MED13L: variants seen among roughly 807,000 people sequenced by gnomAD.
MED13L encodes the protein mediator complex subunit 13L, also known as mediator of RNA polymerase II transcription subunit 13-like.
Under a neutral mutation model 220.9 loss-of-function variants are expected in MED13L, and 7 were observed. That is an observed-to-expected ratio of 0.03 (90% confidence interval 0.02 to 0.06). The LOEUF is 0.06. MED13L is among the 10% of genes least tolerant of loss of function. The pLI is 1.00. For missense variants in MED13L, 1,965 were observed against 2,760.5 expected (o/e 0.71, Z 6.46); for synonymous variants, 1,011 against 1,015.2 (o/e 1.00, Z 0.08).
chr12:116,030,260 A>T (rs1039551652), intron 4 of MED13L, among the ~76,000 whole-genome samples: 2 of 152,162 alleles, frequency 1.3e-5, no homozygotes, highest in Non-Finnish European at 2.9e-5. Context: ...ACAACAGTGC[A>T]ATTTAGTTAG....
At position 116,138,604 on chromosome 12, in the gene MED13L, G is replaced by T. The variant is rs192986216; in HGVS notation, c.311-27092C>A. Among the ~76,000 whole-genome samples the T allele has an allele frequency of 1.6e-3, 248 of 152,324 alleles. 5 individuals are homozygous for T. The highest frequency in any genetic ancestry group is 2.1e-3 in the Non-Finnish European group (145 of 68,034). ...GCTGCTGCTGTCTTCCCACAGACTT[G>T]TTTGTGGCCATCAGGACAAATCTGG... On this transcript the variant is annotated intron_variant, in intron 2 of 30. Coordinates refer to ENST00000281928, the MANE Select transcript of MED13L (RefSeq NM_015335.5).
At chr12:116,011,428 T>C (rs867506803) in intron 9 of MED13L, among the ~76,000 whole-genome samples, 1 of 152,218 alleles carries the variant, frequency 6.6e-6, no homozygotes, top group South Asian at 2.1e-4. Flanking sequence ...AATAAAAATG[T>C]GTAAAAGTCA....
At chr12:115,973,303 C>T (rs1398472022) in intron 25 of MED13L, among the ~76,000 whole-genome samples, 2 of 152,194 alleles carry the variant, frequency 1.3e-5, no homozygotes, top group Non-Finnish European at 2.9e-5. Context: ...ACCTAAGGCT[C>T]CTGTCATACA....
At chr12:116,040,241 T>C (rs1881445670) in intron 4 of MED13L, among the ~76,000 whole-genome samples, 1 of 152,218 alleles carries the variant, frequency 6.6e-6, no homozygotes, top group South Asian at 2.1e-4. Context: ...ATTTATTAGC[T>C]GAATCAAACT....
intron 9 of MED13L, among the ~76,000 whole-genome samples, chr12:116,011,825 C>CTT (rs1879425971): frequency 6.6e-6 from 1 of 152,178 alleles, no homozygotes; most frequent in East Asian, 1.9e-4. Flanking sequence ...GATAAAGAAT[C>CTT]AATTCAAGGG....
chr12:115,997,750 G>T (rs1165402447), intron 14 of MED13L, among the ~76,000 whole-genome samples: 2 of 152,138 alleles, frequency 1.3e-5, no homozygotes, highest in Non-Finnish European at 2.9e-5. Context: ...CTAACTTCTT[G>T]ATGCTTTATG....
chr12:116,096,829 G>T lies in MED13L; in HGVS notation c.396-77C>A, dbSNP rs1403712363. On this transcript the variant is annotated intron_variant, in intron 3 of 30. Transcript: ENST00000281928. The stretch of plus-strand genomic sequence containing the variant: ...AAGTCGCTGAAGCAATACACCAGAT[G>T]AGATATATCACCAAAAATAAAAACA... 5 of 993,194 alleles carry T rather than the reference G, an allele frequency of 5.0e-6. No individual in the cohort carries two copies. The African/African-American group carries it at 6.4e-5, about 13-fold the overall frequency. 61.5% of individuals were successfully genotyped at this position (993,194 alleles called of 1,614,324 possible).
chr12:116,240,045 G>A (rs1360660100), intron 1 of MED13L, among the ~76,000 whole-genome samples: 1 of 152,054 alleles, frequency 6.6e-6, no homozygotes, highest in African/African-American at 2.4e-5. Context: ...TATACCACTA[G>A]TAGTAGTACT....
chr12:115,995,620 C>T (rs137888406), intron 16 of MED13L, among the ~76,000 whole-genome samples: 55 of 152,226 alleles, frequency 3.6e-4, no homozygotes, highest in African/African-American at 1.2e-3. Flanking sequence ...GACAGGGTTT[C>T]GCCATTTGCC....
chr12:116,143,500 AGTT>A (rs974370179), intron 2 of MED13L, among the ~76,000 whole-genome samples: 18 of 152,212 alleles, frequency 1.2e-4, no homozygotes, highest in African/African-American at 3.6e-4. Flanking sequence ...GAATCCAGAA[AGTT>A]GTTGTGCTAC....
rs1870186376 is a variant in MED13L at position 116,237,383 on chromosome 12, C to A, written c.310+85G>T. 3 of 1,091,160 alleles carry A rather than the reference C, an allele frequency of 2.7e-6. No individual in the cohort carries two copies. In the East Asian group the frequency reaches 7.3e-5, roughly 27 times the overall value. The allele number at this position is 1,091,160 out of a possible 1,614,324, so 67.6% of individuals were successfully genotyped here. A position where few individuals can be genotyped will look rare whatever the true frequency, so the allele number is the denominator to read the frequency against. On this transcript the variant is annotated intron_variant, in intron 2 of 30. Coordinates refer to ENST00000281928, the MANE Select transcript of MED13L (RefSeq NM_015335.5). ...AAACACTTAAGATCGTTCTTTTAGA[C>A]AAGTCTTAATAATCTGTTTGAAATT...
chr12:116,240,491 TA>T (rs1202857484), intron 1 of MED13L, among the ~76,000 whole-genome samples: 2 of 151,590 alleles, frequency 1.3e-5, no homozygotes, highest in African/African-American at 4.8e-5. Flanking sequence ...GAAACAAAAA[TA>T]AAAAGAAGTT....
At chr12:116,265,499 C>T (rs1008594368) in intron 1 of MED13L, among the ~76,000 whole-genome samples, 3 of 152,166 alleles carry the variant, frequency 2.0e-5, no homozygotes, top group South Asian at 2.1e-4. Flanking sequence ...GTTTCTATAT[C>T]GTCTTGGATT....
chr12:116,186,660 C>T (rs954202102), intron 2 of MED13L, among the ~76,000 whole-genome samples: 1 of 152,160 alleles, frequency 6.6e-6, no homozygotes, highest in African/African-American at 2.4e-5. Context: ...AAAGCTGGTA[C>T]TAAAGTCCAA....
chr12:116,075,931 T>TTTA (rs1565864687), intron 4 of MED13L, among the ~76,000 whole-genome samples: 1 of 144,360 alleles, frequency 6.9e-6, no homozygotes, highest in Non-Finnish European at 1.5e-5. Context: ...TTTTTTTTTT[T>TTTA]GAGACGGAGT....
chr12:116,225,288 GA>G (rs1868864282), intron 2 of MED13L, among the ~76,000 whole-genome samples: 2 of 152,244 alleles, frequency 1.3e-5, no homozygotes, highest in African/African-American at 4.8e-5. Context: ...TACTGGGGAT[GA>G]GGGGGTACTT....
intron 4 of MED13L, among the ~76,000 whole-genome samples, chr12:116,048,517 A>G (rs775299820): frequency 7.2e-5 from 11 of 152,218 alleles, no homozygotes; most frequent in Non-Finnish European, 1.5e-4. Flanking sequence ...TGTGACAGTA[A>G]AAGTTGAAAA....
rs71095506 is a variant in MED13L, at chr12:116,056,285, G to GTT, written c.480-33686_480-33685dup. 3.0e-3 allele frequency among the ~76,000 whole-genome samples: 450 copies of GTT among 149,170 alleles called. 2 individuals are homozygous for GTT. The highest frequency in any genetic ancestry group is 8.8e-3 in the African/African-American group (356 of 40,610). ...AAGTTTCTTTTCTTGTTTTTTGTTT[G>GTT]TTTTTTTTTTGAGACAAAGTCTTAC... On this transcript the variant is annotated intron_variant, in intron 4 of 30. Transcript: ENST00000281928.
At chr12:116,190,693 T>C (rs1881213766) in intron 2 of MED13L, among the ~76,000 whole-genome samples, 1 of 152,198 alleles carries the variant, frequency 6.6e-6, no homozygotes, top group African/African-American at 2.4e-5. Flanking sequence ...ACAGTATAAA[T>C]TGTGATGTAC....
Sources: allele counts gnomAD v4.1 joint callset (sites outside exome capture counted in the v4.1 genomes callset), GRCh38; gene constraint gnomAD v4.1.1; transcripts MANE v1.5; gene names NCBI Gene and HGNC (gene_info 2026-07-23, HGNC 2026-07-21).